GLIS3: variants seen among roughly 807,000 people sequenced by gnomAD.
GLIS3 encodes GLIS family zinc finger 3.
A neutral mutation model predicts 78.6 loss-of-function variants in GLIS3; 53 were observed. The ratio of observed to expected loss-of-function variants is 0.67; its 90% confidence interval spans 0.54 to 0.85. The LOEUF (loss-of-function observed/expected upper bound fraction) is 0.85. GLIS3 is among the 40% of genes least tolerant of loss of function. GLIS3 has a pLI of 0.00. For synonymous variants in GLIS3, 684 were observed against 509.9 expected (o/e 1.34, Z -4.60); for missense variants, 1,703 against 1,231.1 (o/e 1.38, Z -5.74).
chr9:4,450,410 T>A, the GLIS3 span, among the ~76,000 whole-genome samples: 1 of 152,148 alleles, frequency 6.6e-6, no homozygotes, highest in Non-Finnish European at 1.5e-5. Context: ...TGGAACCAAG[T>A]TGGAAAACAC....
chr9:4,361,475 G>C, the GLIS3 span, among the ~76,000 whole-genome samples: 2 of 152,184 alleles, frequency 1.3e-5, no homozygotes, highest in African/African-American at 2.4e-5. Flanking sequence ...AAATACAATA[G>C]GGTTGACCCC....
At chr9:3,895,590 T>C (rs1427103159) in intron 7 of GLIS3, among the ~76,000 whole-genome samples, 1 of 152,224 alleles carries the variant, frequency 6.6e-6, no homozygotes, top group Non-Finnish European at 1.5e-5. Flanking sequence ...CAGGCAATCC[T>C]TTCCAATCAA....
intron 4 of GLIS3, among the ~76,000 whole-genome samples, chr9:4,083,282 C>T (rs1415442583): frequency 6.6e-6 from 1 of 152,070 alleles, no homozygotes; most frequent in East Asian, 1.9e-4. Context: ...AAACATGTGC[C>T]ACTACTCCTC....
the GLIS3 span, among the ~76,000 whole-genome samples, chr9:4,468,694 A>G: frequency 6.6e-6 from 1 of 152,376 alleles, no homozygotes; most frequent in Non-Finnish European, 1.5e-5. Flanking sequence ...GCCAATTTGT[A>G]AAGACCACTA....
At chr9:4,206,010 C>G (rs541084481) in intron 2 of GLIS3, among the ~76,000 whole-genome samples, 11 of 152,106 alleles carry the variant, frequency 7.2e-5, no homozygotes, top group African/African-American at 2.4e-4. Flanking sequence ...TGCAAGATAC[C>G]TGAATCTGAT....
rs77521669 is a variant in GLIS3 at position 3,851,012 on chromosome 9, T to A, written c.2473+4997A>T. Among the ~76,000 whole-genome samples, 1,346 of 152,322 alleles carry A rather than the reference T, an allele frequency of 8.8e-3. 21 individuals are homozygous for A. Among genetic ancestry groups the A allele is most frequent in the African/African-American group, 0.03 (1,236 of 41,556 alleles). ...ATTGCATATGTCACAGTGCGTTGAT[T>A]AAATGACATTCATGTTTGCATTGCA... On this transcript the variant is annotated intron_variant, in intron 9 of 10. Coordinates refer to ENST00000381971, the MANE Select transcript of GLIS3 (RefSeq NM_001042413.2).
At chr9:4,039,827 T>C (rs917011223) in intron 4 of GLIS3, among the ~76,000 whole-genome samples, 2 of 152,136 alleles carry the variant, frequency 1.3e-5, no homozygotes, top group African/African-American at 4.8e-5. Flanking sequence ...ACTACAGGAG[T>C]TAGAGCACTC....
intron 6 of GLIS3, among the ~76,000 whole-genome samples, chr9:3,929,337 A>G (rs747247562): frequency 1.1e-4 from 17 of 152,114 alleles, no homozygotes; most frequent in Non-Finnish European, 2.4e-4. Flanking sequence ...TTTGCAGAAG[A>G]GTTTTTTTTT....
chr9:4,134,940 T>C (rs545751665), intron 2 of GLIS3, among the ~76,000 whole-genome samples: 1 of 152,126 alleles, frequency 6.6e-6, no homozygotes, highest in African/African-American at 2.4e-5. Context: ...ACTAGGGAGA[T>C]AAGATGGCCT....
intron 4 of GLIS3, among the ~76,000 whole-genome samples, chr9:3,971,138 G>T (rs559265994): frequency 6.6e-6 from 1 of 151,088 alleles, no homozygotes; most frequent in African/African-American, 2.4e-5. Context: ...AAGGAAGGAA[G>T]GGAGCCTTAT....
intron 4 of GLIS3, among the ~76,000 whole-genome samples, chr9:4,105,859 G>C (rs1586683114): frequency 1.3e-5 from 2 of 152,090 alleles, no homozygotes. Flanking sequence ...ACACACAATA[G>C]AACACGATCG....
chr9:4,209,948 C>G (rs1820241041), intron 2 of GLIS3, among the ~76,000 whole-genome samples: 1 of 152,166 alleles, frequency 6.6e-6, no homozygotes, highest in African/African-American at 2.4e-5. Context: ...ACATCCCATC[C>G]CCTCATCCGT....
chr9:4,120,516 T>A lies in GLIS3; in HGVS notation c.597-1635A>T, dbSNP rs188297390. ...CTTTTCAATTATTTTCCCAGCACAC[T>A]TGCAGCATGTGGCTCTTCCTGCAGA... On this transcript the variant is annotated intron_variant, in intron 3 of 10. Transcript: ENST00000381971. Among the ~76,000 whole-genome samples, 6 of 152,308 alleles carry A rather than the reference T, an allele frequency of 3.9e-5. No individual in the cohort carries two copies. In the East Asian group the frequency reaches 1.2e-3, roughly 29 times the overall value.
At chr9:4,333,337 G>A (rs1333149277) in intron 2 of GLIS3, among the ~76,000 whole-genome samples, 6 of 150,676 alleles carry the variant, frequency 4.0e-5, no homozygotes, top group African/African-American at 1.2e-4. Flanking sequence ...GGAAGGAAAG[G>A]AAAGAAAAAA....
At chr9:4,021,482 C>T (rs1265288011) in intron 4 of GLIS3, among the ~76,000 whole-genome samples, 2 of 152,088 alleles carry the variant, frequency 1.3e-5, no homozygotes, top group Non-Finnish European at 2.9e-5. Context: ...TCACAGAATA[C>T]GGCAATCTGT....
chr9:3,918,441 A>T (rs1824662025), intron 6 of GLIS3, among the ~76,000 whole-genome samples: 1 of 152,182 alleles, frequency 6.6e-6, no homozygotes, highest in African/African-American at 2.4e-5. Flanking sequence ...ATTATAAAAG[A>T]TTCAAGTTCC....
intron 2 of GLIS3, among the ~76,000 whole-genome samples, chr9:4,192,279 T>C (rs541146794): frequency 2.0e-5 from 3 of 152,210 alleles, no homozygotes; most frequent in Non-Finnish European, 4.4e-5. Flanking sequence ...TAGAGTTTCT[T>C]GAGATGAAAT....
upstream of GLIS3, among the ~76,000 whole-genome samples, chr9:4,300,118 C>T (rs1816998039): frequency 1.1e-5 from 1 of 87,358 alleles, no homozygotes; most frequent in African/African-American, 4.6e-5. Context: ...GTGTGAGCGC[C>T]GGAGGGGGAG....
intron 2 of GLIS3, among the ~76,000 whole-genome samples, chr9:4,267,873 G>A (rs534053339): frequency 1.5e-3 from 229 of 152,126 alleles, no homozygotes; most frequent in Non-Finnish European, 2.6e-3. Flanking sequence ...GTACATCATT[G>A]CTAAAGAAAT....
Sources: gnomAD v4.1 joint callset for allele counts (sites outside exome capture counted in the v4.1 genomes callset) on GRCh38, gnomAD v4.1.1 for gene constraint, MANE v1.5 for transcripts, NCBI Gene and HGNC (gene_info 2026-07-23, HGNC 2026-07-21) for gene names.